Variants in CBR4 observed in about 807,000 individuals in gnomAD.
CBR4 encodes carbonyl reductase 4.
A neutral mutation model predicts 21.0 loss-of-function variants in CBR4; 22 were observed. The observed-to-expected ratio is 1.05, with a 90% CI of 0.75 to 1.50. The LOEUF is 1.50. Among genes scored for constraint, CBR4 ranks in the 40% most tolerant of loss-of-function variants. CBR4 has a pLI of 0.00. For missense variants in CBR4, 302 were observed against 286.3 expected (o/e 1.05, Z -0.40); for synonymous variants, 100 against 104.4 (o/e 0.96, Z 0.26).
At chr4:168,908,317 A>G (rs1184732937) in intron 2 of CBR4, among the ~76,000 whole-genome samples, 1 of 152,102 alleles carries the variant, frequency 6.6e-6, no homozygotes, top group Non-Finnish European at 1.5e-5. Context: ...GTGACACACC[A>G]TTTTTCTACC....
intron 2 of CBR4, chr4:168,926,218 T>G (rs1762564640): frequency 6.5e-7 from 1 of 1,530,678 alleles, no homozygotes; most frequent in Non-Finnish European, 8.7e-7. Context: ...TGTAGCCCAG[T>G]GGCATCAGCA....
At chr4:168,998,629 C>G (rs1305592858) in intron 4 of CBR4, among the ~76,000 whole-genome samples, 1 of 152,102 alleles carries the variant, frequency 6.6e-6, no homozygotes, top group South Asian at 2.1e-4. Context: ...TGGGACTATA[C>G]TAAAACCACT....
intron 2 of CBR4, among the ~76,000 whole-genome samples, chr4:168,972,824 T>C (rs28838967): frequency 0.016 from 2,470 of 152,310 alleles, 57 homozygotes; most frequent in African/African-American, 0.04. Context: ...TGAATAGAAG[T>C]AGTGAAAGTG....
At chr4:168,982,705 T>TC (rs1292663517), downstream of CBR4, among the ~76,000 whole-genome samples, 1 of 151,974 alleles carries the variant, frequency 6.6e-6, no homozygotes, top group East Asian at 1.9e-4. Flanking sequence ...AAAACCAAAA[T>TC]CATACCAACC....
In CBR4 at chr4:168,959,592, G is replaced by A. The variant is rs1578938770; in HGVS notation, n.169+42479C>T. The stretch of plus-strand genomic sequence containing the variant: ...TTTTTTTTTTTTTTTTGGAGATAGA[G>A]TCTCACTCTGTTGCCCAGGCTGGAA... On this transcript the variant is annotated intron_variant and non_coding_transcript_variant, in intron 2 of 3. Coordinates refer to the CBR4 transcript ENST00000509108. 6.5e-5 allele frequency among the ~76,000 whole-genome samples: 8 copies of A among 123,454 alleles called. No homozygotes were observed. The Admixed American group carries it at 7.4e-4, about 11-fold the overall frequency. 81.0% of individuals were successfully genotyped at this position (123,454 alleles called of 152,430 possible).
At chr4:168,944,028 G>T (rs537898360) in intron 2 of CBR4, among the ~76,000 whole-genome samples, 3 of 152,234 alleles carry the variant, frequency 2.0e-5, no homozygotes. Context: ...GCAATCAAAG[G>T]CTAATAAATG....
In CBR4 at chr4:168,989,321, T is replaced by C; in HGVS notation, c.*829A>G. 2 of 985,432 alleles carry C rather than the reference T, an allele frequency of 2.0e-6. No homozygotes were observed. The highest frequency in any genetic ancestry group is 4.7e-5 in the South Asian group (1 of 21,292). The allele number at this position is 985,432 out of a possible 1,614,324, so 61.0% of individuals were successfully genotyped here. A position where few individuals can be genotyped will look rare whatever the true frequency, so the allele number is the denominator to read the frequency against. On this transcript the variant is annotated 3_prime_UTR_variant, in exon 5 of 5. Coordinates refer to ENST00000306193, the MANE Select transcript of CBR4 (RefSeq NM_032783.5). ...TCATGAAATCTGTGCGGTTCACTACTGTACCAGGTATTAAAACCTTAAGGG... is the reference window on the plus strand; with the variant it reads ...TCATGAAATCTGTGCGGTTCACTACCGTACCAGGTATTAAAACCTTAAGGG...
rs1421222581 is a variant in CBR4, at chr4:169,010,250, A to G, written c.-161T>C. Reference sequence around the variant, plus strand: ...CGCTCGACACCTCCTGCAGCCGCACAATAGTAATGCAAGACGCCGTGAAAA... The same window carrying G: ...CGCTCGACACCTCCTGCAGCCGCACGATAGTAATGCAAGACGCCGTGAAAA... On this transcript the variant is annotated 5_prime_UTR_variant, in exon 1 of 5. Transcript: ENST00000306193. The G allele has an allele frequency of 1.6e-6, 1 of 634,412 alleles. No individual in the cohort carries two copies. Among genetic ancestry groups the G allele is most frequent in the South Asian group, 2.2e-5 (1 of 45,740 alleles). The allele number at this position is 634,412 out of a possible 1,614,324, so 39.3% of individuals were successfully genotyped here.
intron 1 of CBR4, among the ~76,000 whole-genome samples, chr4:169,009,640 C>A (rs1237994248): frequency 6.6e-6 from 1 of 152,244 alleles, no homozygotes; most frequent in African/African-American, 2.4e-5. Context: ...AGCTCCTCAG[C>A]GTTAGCACTA....
intron 4 of CBR4, among the ~76,000 whole-genome samples, chr4:168,995,628 A>G (rs1250775083): frequency 6.6e-6 from 1 of 152,080 alleles, no homozygotes; most frequent in Non-Finnish European, 1.5e-5. Context: ...TTTCATTTGT[A>G]AAACTCTGGA....
At position 168,989,107 on chromosome 4, in the gene CBR4, A is replaced by C. The variant is rs1053442843; in HGVS notation, c.*1043T>G. The C allele has an allele frequency of 2.0e-6, 2 of 978,550 alleles. No homozygotes were observed. The highest frequency in any genetic ancestry group is 3.5e-5 in the African/African-American group (2 of 57,084). The allele number at this position is 978,550 out of a possible 1,614,324, so 60.6% of individuals were successfully genotyped here. ...GCTTCTTGTAAAGACATTTAATTTA[A>C]TGTTATTGCATATTTATTTATTTTT... On this transcript the variant is annotated 3_prime_UTR_variant, in exon 5 of 5. Transcript: ENST00000306193.
At chr4:168,939,715 G>A (rs991832641) in intron 2 of CBR4, among the ~76,000 whole-genome samples, 8 of 152,078 alleles carry the variant, frequency 5.3e-5, no homozygotes, top group Admixed American at 3.9e-4. Flanking sequence ...AAAATACTTA[G>A]GAACCCAACT....
chr4:168,896,725 C>G, intron 2 of CBR4: 1 of 634,180 alleles, frequency 1.6e-6, no homozygotes, highest in Non-Finnish European at 2.7e-6. Context: ...TGACCAGTGT[C>G]TGTTTCATTT....
intron 2 of CBR4, among the ~76,000 whole-genome samples, chr4:168,960,469 G>T (rs1763815819): frequency 6.6e-6 from 1 of 152,120 alleles, no homozygotes; most frequent in Admixed American, 6.5e-5. Flanking sequence ...AAGTCTTAAA[G>T]GATCCAGAGA....
chr4:168,912,868 C>T (rs990209708), intron 2 of CBR4, among the ~76,000 whole-genome samples: 2 of 152,220 alleles, frequency 1.3e-5, no homozygotes, highest in East Asian at 3.9e-4. Flanking sequence ...GCTATCTCCC[C>T]GACCCCACCA....
intron 4 of CBR4, among the ~76,000 whole-genome samples, chr4:168,992,935 C>A (rs1551614): frequency 0.99 from 150,756 of 152,300 alleles, 74,637 homozygotes; most frequent in East Asian, 1. Context: ...TCTGCCATAA[C>A]ATCTTACCAC....
intron 2 of CBR4, among the ~76,000 whole-genome samples, chr4:168,924,635 TA>T (rs1228817303): frequency 1.3e-5 from 2 of 152,214 alleles, no homozygotes; most frequent in African/African-American, 2.4e-5. Context: ...GGTGATTTCT[TA>T]AAAGTGTTTA....
chr4:168,992,704 T>C (rs531318250), intron 4 of CBR4, among the ~76,000 whole-genome samples: 38 of 152,282 alleles, frequency 2.5e-4, no homozygotes, highest in Middle Eastern at 3.4e-3. Context: ...CATTAGATAC[T>C]AGAATTACAG....
intron 2 of CBR4, among the ~76,000 whole-genome samples, chr4:168,981,447 T>C (rs1053746344): frequency 3.3e-5 from 5 of 152,058 alleles, no homozygotes; most frequent in African/African-American, 9.7e-5. Context: ...ACTGAGCTGA[T>C]AGACCTGAAA....
Sources: allele counts gnomAD v4.1 joint callset (sites outside exome capture counted in the v4.1 genomes callset), GRCh38; gene constraint gnomAD v4.1.1; transcripts MANE v1.5; gene names NCBI Gene and HGNC (gene_info 2026-07-23, HGNC 2026-07-21).